DFFA: variants seen among roughly 807,000 people sequenced by gnomAD.
DFFA encodes DFF45.
In DFFA, 14 loss-of-function variants were observed where a neutral mutation model predicts 28.0. The ratio of observed to expected loss-of-function variants is 0.50; its 90% confidence interval spans 0.33 to 0.78. The LOEUF (loss-of-function observed/expected upper bound fraction) is 0.78. DFFA is among the 30% of genes least tolerant of loss of function. DFFA has a pLI of 0.02. For missense variants in DFFA, 395 were observed against 407.1 expected (o/e 0.97, Z 0.26); for synonymous variants, 158 against 170.3 (o/e 0.93, Z 0.56).
At chr1:10,465,948 A>G (rs1641015510) in intron 3 of DFFA, among the ~76,000 whole-genome samples, 1 of 151,766 alleles carries the variant, frequency 6.6e-6, no homozygotes, top group South Asian at 2.1e-4. Context: ...GATTACAGGT[A>G]TAAGCCACTG....
intron 5 of DFFA, 68 bp downstream of exon 5, chr1:10,462,990 C>G (rs1300946449): frequency 6.2e-7 from 1 of 1,602,348 alleles, no homozygotes; most frequent in Admixed American, 1.7e-5. Flanking sequence ...CCACACACCT[C>G]TGCATGATAC....
At chr1:10,466,870 TTGA>T (rs1641029825) in intron 3 of DFFA, among the ~76,000 whole-genome samples, 1 of 148,786 alleles carries the variant, frequency 6.7e-6, no homozygotes, top group Non-Finnish European at 1.5e-5. Flanking sequence ...GGAGAATTGC[TTGA>T]ACCCGGGAGG....
intron 1 of DFFA, among the ~76,000 whole-genome samples, chr1:10,471,695 A>G (rs1641100428): frequency 6.6e-6 from 1 of 152,116 alleles, no homozygotes; most frequent in Non-Finnish European, 1.5e-5. Flanking sequence ...TAAATATATC[A>G]TCTTATTTGA....
Position 10,467,226 on chromosome 1 carries a change from C to G in DFFA, c.405G>C (p.Leu135=), listed in dbSNP as rs1359969994. ...KNVARQLKED[L]SSIILLSEED... is the part of the protein sequence containing the mutation. ...CCTCTGATAGGAGGATGATGCTGGA[C>G]AGATCTTCTTTCAGCTGCCTGGCCA... The change falls in exon 3 of 6, where the codon CTG becomes CTC. Residue 135 remains leucine (L), a synonymous_variant. Coordinates refer to ENST00000377038, the MANE Select transcript of DFFA (RefSeq NM_004401.3). The G allele has an allele frequency of 1.9e-6, 3 of 1,614,032 alleles. No individual in the cohort carries two copies. The highest frequency in any genetic ancestry group is 2.7e-5 in the African/African-American group (2 of 74,922).
chr1:10,471,441 C>G (rs937355971), intron 1 of DFFA, among the ~76,000 whole-genome samples: 1 of 152,016 alleles, frequency 6.6e-6, no homozygotes, highest in African/African-American at 2.4e-5. Context: ...AATCTAATGT[C>G]AGGAAAAAAA....
rs1362705693 is a variant in DFFA at position 10,459,585 on chromosome 1, A to G, written c.*1905T>C. 1 of 152,174 alleles carries G rather than the reference A, an allele frequency of 6.6e-6. No homozygotes were observed. Among genetic ancestry groups the G allele is most frequent in the Non-Finnish European group, 1.5e-5 (1 of 68,042 alleles). The allele number at this position is 152,174 out of a possible 1,614,324, so 9.4% of individuals were successfully genotyped here. ...AAAAAATTCATTAACTGGAGAAACA[A>G]GATTGTGGCCATAGTCAACACTCTA... On this transcript the variant is annotated 3_prime_UTR_variant, in exon 6 of 6. Coordinates refer to ENST00000377038, the MANE Select transcript of DFFA (RefSeq NM_004401.3).
chr1:10,463,138 C>A lies in DFFA; in HGVS notation c.703G>T (p.Val235Phe). 6.2e-7 allele frequency: 1 copy of A among 1,614,140 alleles called. No individual in the cohort carries two copies. Among genetic ancestry groups the A allele is most frequent in the South Asian group, 1.1e-5 (1 of 91,082 alleles). Residue 235 changes from valine to phenylalanine, a missense_variant, in exon 5 of 6, where the codon GTT becomes TTT. Val to Phe is a conservative substitution (Grantham distance 50, BLOSUM62 -1). Transcript: ENST00000377038. ...TGISRETSSD[V>F]ALASHILTAL... is the part of the protein sequence containing the mutation. Reference sequence around the variant, plus strand: ...GTAAGGATGTGGCTCGCCAGCGCAACGTCCGAGGAGGTCTCTCTGCTGATA... The same window carrying A: ...GTAAGGATGTGGCTCGCCAGCGCAAAGTCCGAGGAGGTCTCTCTGCTGATA...
Position 10,472,293 on chromosome 1 carries a change from CCA to C in DFFA, c.136+28_136+29del. On this transcript the variant is annotated intron_variant, in intron 1 of 5. Transcript: ENST00000377038. This position sits in a 1 kb window ranked among gnomAD's most constrained non-coding sequence, Gnocchi z 5.0. ...ACGTCCTCACCCGGCCCTGGCTCCC[CCA>C]CACCCTCGCCCGGGGTCCCGAGCCA... 6.4e-7 allele frequency: 1 copy of C among 1,558,126 alleles called. No homozygotes were observed. Among genetic ancestry groups the C allele is most frequent in the Non-Finnish European group, 8.7e-7 (1 of 1,146,300 alleles).
intron 3 of DFFA, among the ~76,000 whole-genome samples, chr1:10,465,642 C>CG (rs951241220): frequency 1.3e-5 from 2 of 151,994 alleles, no homozygotes; most frequent in Non-Finnish European, 2.9e-5. Context: ...CTGCCCGCCC[C>CG]GGCCTCCCAA....
chr1:10,467,075 A>G, intron 3 of DFFA, 115 bp downstream of exon 3: 1 of 1,247,368 alleles, frequency 8.0e-7, no homozygotes, highest in East Asian at 2.5e-5. Context: ...AGAATTATTT[A>G]AAAATTAAGA....
chr1:10,459,557 A>G lies in DFFA; in HGVS notation c.*1933T>C, dbSNP rs1437175042. The G allele has an allele frequency of 1.3e-5, 2 of 152,146 alleles. No individual in the cohort carries two copies. Among genetic ancestry groups the G allele is most frequent in the Non-Finnish European group, 2.9e-5 (2 of 68,024 alleles). The allele number at this position is 152,146 out of a possible 1,614,324, so 9.4% of individuals were successfully genotyped here. A position where few individuals can be genotyped will look rare whatever the true frequency, so the allele number is the denominator to read the frequency against. On this transcript the variant is annotated 3_prime_UTR_variant, in exon 6 of 6. Transcript: ENST00000377038. ...TTAATATGTATCTTTAAACAAACAC[A>G]TAAAAAAATTCATTAACTGGAGAAA...
chr1:10,472,228 C>T lies in DFFA; in HGVS notation c.136+95G>A, dbSNP rs1319287170. 28 of 1,424,688 alleles carry T rather than the reference C, an allele frequency of 2.0e-5. No homozygotes were observed. Among genetic ancestry groups the T allele is most frequent in the Non-Finnish European group, 2.4e-5 (26 of 1,070,742 alleles). The allele number at this position is 1,424,688 out of a possible 1,614,324, so 88.3% of individuals were successfully genotyped here. On this transcript the variant is annotated intron_variant, in intron 1 of 5. Coordinates refer to ENST00000377038, the MANE Select transcript of DFFA (RefSeq NM_004401.3). This position sits in a 1 kb window ranked among gnomAD's most constrained non-coding sequence, Gnocchi z 5.0. Reference sequence around the variant, plus strand: ...AAGCCTCCACCCGAGATACAAGAATCCCCAAGTCGCCTCTCCTGACCCCGC... The same window carrying T: ...AAGCCTCCACCCGAGATACAAGAATTCCCAAGTCGCCTCTCCTGACCCCGC...
At position 10,461,339 on chromosome 1, in the gene DFFA, G is replaced by T; in HGVS notation, c.*151C>A. 1 of 1,358,446 alleles carries T rather than the reference G, an allele frequency of 7.4e-7. No individual in the cohort carries two copies. The highest frequency in any genetic ancestry group is 9.7e-7 in the Non-Finnish European group (1 of 1,032,748). 84.1% of individuals were successfully genotyped at this position (1,358,446 alleles called of 1,614,324 possible). ...GGTGGGGCTAAAAAAAAAATTGGTG[G>T]AACGGCGTATGTTGAGACCTGGAAT... On this transcript the variant is annotated 3_prime_UTR_variant, in exon 6 of 6. Transcript: ENST00000377038.
At chr1:10,469,531 T>C (rs1426191708) in intron 1 of DFFA, among the ~76,000 whole-genome samples, 193 bp from the exon 2 acceptor site, 1 of 151,904 alleles carries the variant, frequency 6.6e-6, no homozygotes, top group Non-Finnish European at 1.5e-5. Context: ...GTTCTTTTCT[T>C]TTTTTTTGTA....
At position 10,472,375 on chromosome 1, in the gene DFFA, G is replaced by A. The variant is rs1485363513; in HGVS notation, c.84C>T (p.Ser28=). 6.2e-7 allele frequency: 1 copy of A among 1,612,222 alleles called. No individual in the cohort carries two copies. Among genetic ancestry groups the A allele is most frequent in the South Asian group, 1.1e-5 (1 of 90,814 alleles). ...AGGCGGCCACGCCGTGCTGTTCGCGGCTGTAGTTGCGGCGCAGCAGACACG... is the reference window on the plus strand; with the variant it reads ...AGGCGGCCACGCCGTGCTGTTCGCGACTGTAGTTGCGGCGCAGCAGACACG... ...LKPCLLRRNY[S]REQHGVAASC... is the part of the protein sequence containing the mutation. Residue 28 remains serine, a synonymous_variant, in exon 1 of 6, where the codon AGC becomes AGT. Transcript: ENST00000377038. This position sits in a 1 kb window ranked among gnomAD's most constrained non-coding sequence, Gnocchi z 5.0.
At chr1:10,461,743 T>C in intron 5 of DFFA, 41 bp from the exon 6 acceptor site, 1 of 1,608,274 alleles carries the variant, frequency 6.2e-7, no homozygotes, top group Non-Finnish European at 8.5e-7. Flanking sequence ...GGGCCTTCTG[T>C]GCGCCTCTCC....
At chr1:10,470,112 C>A (rs1178672299) in intron 1 of DFFA, among the ~76,000 whole-genome samples, 1 of 152,124 alleles carries the variant, frequency 6.6e-6, no homozygotes, top group Non-Finnish European at 1.5e-5. Context: ...CCGCGCCTGG[C>A]CTAAGTGCTT....
intron 3 of DFFA, among the ~76,000 whole-genome samples, chr1:10,466,778 C>T (rs1454739043): frequency 5.9e-5 from 9 of 151,338 alleles, no homozygotes; most frequent in East Asian, 5.9e-4. Context: ...CATGATGAAA[C>T]GCTGTCTCTA....
chr1:10,467,752 C>G (rs1250802979), intron 2 of DFFA, among the ~76,000 whole-genome samples: 1 of 152,180 alleles, frequency 6.6e-6, no homozygotes, highest in East Asian at 1.9e-4. Flanking sequence ...TTCAAGTGAT[C>G]TGCCCACCTC....
Sources: gnomAD v4.1 joint callset for allele counts (sites outside exome capture counted in the v4.1 genomes callset) on GRCh38, gnomAD v4.1.1 for gene constraint, Gnocchi (gnomAD v3.1) non-coding constraint, MANE v1.5 for transcripts, NCBI Gene and HGNC (gene_info 2026-07-23, HGNC 2026-07-21) for gene names.